USP34: variants seen among roughly 807,000 people sequenced by gnomAD.
The protein encoded by USP34 is ubiquitin carboxyl-terminal hydrolase 34.
In USP34, 70 loss-of-function variants were observed where a neutral mutation model predicts 460.3. That is an observed-to-expected ratio of 0.15 (90% CI 0.13 to 0.19). The LOEUF is 0.19. Ranked by LOEUF, USP34 falls within the 10% of genes least tolerant of loss-of-function variation. The pLI, the probability that USP34 is intolerant of heterozygous loss-of-function variation, is 1.00. For synonymous variants in USP34, 1,647 were observed against 1,405.3 expected (o/e 1.17, Z -3.85); for missense variants, 3,985 against 4,236.2 (o/e 0.94, Z 1.65).
At chr2:61,331,205 A>T (rs1691251069) in intron 20 of USP34, 71 bp downstream of exon 20, 8 of 1,332,890 alleles carry the variant, frequency 6.0e-6, no homozygotes, top group Non-Finnish European at 8.3e-6. Flanking sequence ...AAAAGTTAAA[A>T]CACTGGAAAA....
At chr2:61,465,275 G>T (rs1695727358) in intron 1 of USP34, among the ~76,000 whole-genome samples, 1 of 152,140 alleles carries the variant, frequency 6.6e-6, no homozygotes, top group African/African-American at 2.4e-5. Context: ...TCCTCAACCT[G>T]TAAGCACAAT....
intron 75 of USP34, among the ~76,000 whole-genome samples, chr2:61,202,116 T>G (rs922207142): frequency 6.6e-6 from 1 of 152,188 alleles, no homozygotes. Flanking sequence ...ATAAGATGGT[T>G]TTGCTGAAGT....
intron 53 of USP34, among the ~76,000 whole-genome samples, chr2:61,241,346 ACT>A (rs1272610667): frequency 6.6e-6 from 1 of 151,696 alleles, no homozygotes; most frequent in Non-Finnish European, 1.5e-5. Flanking sequence ...CCAGTCGCCT[ACT>A]CTCTTTTAGT....
chr2:61,354,078 T>C (rs1692034863), intron 10 of USP34, among the ~76,000 whole-genome samples: 1 of 151,868 alleles, frequency 6.6e-6, no homozygotes, highest in African/African-American at 2.4e-5. Flanking sequence ...CAAAGAAAAA[T>C]GGAAAGACAG....
chr2:61,280,547 T>C (rs375357594), intron 38 of USP34, among the ~76,000 whole-genome samples, 199 bp from the exon 39 acceptor site: 1 of 152,028 alleles, frequency 6.6e-6, no homozygotes, highest in African/African-American at 2.4e-5. Context: ...GTAAGAACTT[T>C]TAGGAAAATA....
rs767442129 is a variant in USP34 at position 61,203,165 on chromosome 2, T to C, written c.9483A>G (p.Lys3161=). 1.9e-6 allele frequency: 3 copies of C among 1,596,394 alleles called. No homozygotes were observed. The African/African-American group carries it at 4.1e-5, about 22-fold the overall frequency. The part of the protein sequence containing the change: ...LLCRVAINCE[K]FTETLVKLSV... ...TCAGCTTAACTAATGTTTCAGTAAA[T>C]TTTTCACAGTTGATTGCAACTCGGC... The change falls in exon 75 of 80, where the codon AAA becomes AAG. Residue 3161 remains lysine, a synonymous_variant. Transcript: ENST00000398571.
chr2:61,192,867 T>A, intron 76 of USP34, 34 bp downstream of exon 76: 1 of 1,574,342 alleles, frequency 6.4e-7, no homozygotes, highest in African/African-American at 1.4e-5. Context: ...CAGATAAGAT[T>A]AAAGACCAAT....
intron 30 of USP34, among the ~76,000 whole-genome samples, chr2:61,296,054 T>C (rs1278302640): frequency 6.6e-6 from 1 of 151,896 alleles, no homozygotes; most frequent in African/African-American, 2.4e-5. Flanking sequence ...AAGTCAGGAG[T>C]TATAGATCAA....
intron 1 of USP34, among the ~76,000 whole-genome samples, chr2:61,467,623 T>TTG (rs1695814584): frequency 1.4e-5 from 2 of 143,130 alleles, no homozygotes; most frequent in South Asian, 4.6e-4. Flanking sequence ...CTTTGTTTTT[T>TTG]TTTTTTTTTT....
At chr2:61,456,833 C>A (rs1271423854) in intron 1 of USP34, among the ~76,000 whole-genome samples, 1 of 151,728 alleles carries the variant, frequency 6.6e-6, no homozygotes, top group African/African-American at 2.4e-5. Flanking sequence ...CGAAAATTAG[C>A]TGGGTGTGGT....
At chr2:61,324,749 A>G (rs1021753702) in intron 21 of USP34, among the ~76,000 whole-genome samples, 2 of 152,066 alleles carry the variant, frequency 1.3e-5, no homozygotes, top group African/African-American at 4.8e-5. Context: ...CCAGCCTGGG[A>G]GACAGTGTGA....
chr2:61,320,773 G>A (rs957124729), intron 21 of USP34, among the ~76,000 whole-genome samples: 70 of 152,198 alleles, frequency 4.6e-4, no homozygotes, highest in Non-Finnish European at 4.6e-4. Context: ...CCTTCGGGAG[G>A]ACGAGGTGGG....
intron 10 of USP34, among the ~76,000 whole-genome samples, chr2:61,353,236 A>G (rs1692000077): frequency 1.3e-5 from 2 of 152,226 alleles, no homozygotes. Context: ...GTACAGGCAC[A>G]GAGGCTGGCT....
At chr2:61,387,420 G>A (rs886214733) in intron 5 of USP34, among the ~76,000 whole-genome samples, 6 of 151,342 alleles carry the variant, frequency 4.0e-5, no homozygotes, top group East Asian at 1.9e-4. Flanking sequence ...AGCCAAGATC[G>A]CACCACTGCA....
chr2:61,349,808 T>TC (rs1691891870), intron 12 of USP34, among the ~76,000 whole-genome samples: 1 of 151,602 alleles, frequency 6.6e-6, no homozygotes, highest in South Asian at 2.1e-4. Flanking sequence ...ACCACTGCAC[T>TC]CCAGCTTGGG....
Position 61,281,135 on chromosome 2 carries a change from T to C in USP34, c.5106A>G (p.Thr1702=), listed in dbSNP as rs756291132. The change falls in exon 38 of 80, where the codon ACA becomes ACG. Residue 1702 remains threonine (T), a synonymous_variant. Transcript: ENST00000398571. Reference sequence around the variant, plus strand: ...GAGCATCAGGAAGAAATTTCAATAATGTTGAGGCAGCCAATAGCAGAAAAG... The same window carrying C: ...GAGCATCAGGAAGAAATTTCAATAACGTTGAGGCAGCCAATAGCAGAAAAG... ...NRSFLLLAAS[T]LLKFLPDAQA... 6.2e-7 allele frequency: 1 copy of C among 1,613,826 alleles called. No homozygotes were observed. The highest frequency in any genetic ancestry group is 8.5e-7 in the Non-Finnish European group (1 of 1,179,884).
intron 43 of USP34, 56 bp downstream of exon 43, chr2:61,265,341 A>C: frequency 6.5e-7 from 1 of 1,542,520 alleles, no homozygotes; most frequent in Admixed American, 2.2e-5. Flanking sequence ...AAATTTATCA[A>C]CAAAATATTA....
chr2:61,233,981 TTTAGGTTTCCTTTAAAA>T (rs1228358186), intron 57 of USP34, among the ~76,000 whole-genome samples: 1 of 152,220 alleles, frequency 6.6e-6, no homozygotes, highest in Non-Finnish European at 1.5e-5. Flanking sequence ...GCATGATCTA[TTTAGGTTTCCTTTAAAA>T]TTCTTCCATT....
chr2:61,283,052 G>T, intron 37 of USP34, 93 bp downstream of exon 37: 1 of 1,302,576 alleles, frequency 7.7e-7, no homozygotes, highest in Non-Finnish European at 1.1e-6. Flanking sequence ...ATGGACTCAC[G>T]CATATTTGTT....
Sources: allele counts gnomAD v4.1 joint callset (sites outside exome capture counted in the v4.1 genomes callset), GRCh38; gene constraint gnomAD v4.1.1; transcripts MANE v1.5; gene names NCBI Gene and HGNC (gene_info 2026-07-23, HGNC 2026-07-21).